Variants in CD40 observed in about 807,000 individuals in gnomAD.
CD40 encodes CD40 molecule, also known as tumor necrosis factor receptor superfamily member 5.
In CD40, 19 loss-of-function variants were observed where a neutral mutation model predicts 38.5. The ratio of observed to expected loss-of-function variants is 0.49; its 90% confidence interval spans 0.34 to 0.72. The LOEUF is 0.72. CD40 is among the 30% of genes least tolerant of loss of function. The pLI is 0.01. For missense variants in CD40, 256 were observed against 344.1 expected, an observed-to-expected ratio of 0.74 and a Z score of 2.03; for synonymous variants, 130 against 128.7, an observed-to-expected ratio of 1.01 and a Z score of -0.07.
At position 46,122,216 on chromosome 20, in the gene CD40, T is replaced by C; in HGVS notation, c.131-17T>C. Reference sequence around the variant, plus strand: ...GGAGTTGGCCAGAGCCCTCCCTCATTTCCTGATGTTTTCCAGGACAGAAAC... The same window carrying C: ...GGAGTTGGCCAGAGCCCTCCCTCATCTCCTGATGTTTTCCAGGACAGAAAC... On this transcript the variant is annotated splice_polypyrimidine_tract_variant and intron_variant, in intron 2 of 8. Transcript: ENST00000372285. This position sits in a 1 kb window ranked among gnomAD's most constrained non-coding sequence, Gnocchi z 5.0. 1 of 1,614,138 alleles carries C rather than the reference T, an allele frequency of 6.2e-7. No homozygotes were observed. The highest frequency in any genetic ancestry group is 8.5e-7 in the Non-Finnish European group (1 of 1,180,002).
rs115321401 is a variant in CD40 at position 46,127,883 on chromosome 20, G to T, written c.560-255G>T. Reference sequence around the variant, plus strand: ...AACCCAGTCTTCCCAGTTTGTAAGAGAAATCAGATGTCTAGGTTTGAATAT... The same window carrying T: ...AACCCAGTCTTCCCAGTTTGTAAGATAAATCAGATGTCTAGGTTTGAATAT... On this transcript the variant is annotated intron_variant, in intron 6 of 8. Coordinates refer to ENST00000372285, the MANE Select transcript of CD40 (RefSeq NM_001250.6). 63 of 615,556 alleles carry T rather than the reference G, an allele frequency of 1.0e-4. No homozygotes were observed. In the African/African-American group the frequency reaches 1.1e-3, roughly 11 times the overall value. 38.1% of individuals were successfully genotyped at this position (615,556 alleles called of 1,614,324 possible). A position where few individuals can be genotyped will look rare whatever the true frequency, so the allele number is the denominator to read the frequency against.
intron 5 of CD40, 29 bp from the exon 6 acceptor site, chr20:46,126,611 T>C (rs766629057): frequency 6.2e-7 from 1 of 1,613,912 alleles, no homozygotes; most frequent in Non-Finnish European, 8.5e-7. Context: ...TCTCTGTGTG[T>C]GTGCATTTGT....
chr20:46,123,916 C>T (rs1020880982), intron 5 of CD40, among the ~76,000 whole-genome samples: 5 of 152,240 alleles, frequency 3.3e-5, no homozygotes, highest in Admixed American at 1.3e-4. Context: ...TGCTCTCTTT[C>T]CTGCATCGCA....
chr20:46,126,793 G>A, intron 6 of CD40, 92 bp downstream of exon 6: 1 of 1,604,594 alleles, frequency 6.2e-7, no homozygotes, highest in South Asian at 1.1e-5. Flanking sequence ...ATGGGAAAAA[G>A]GGGAGGGGAG....
At chr20:46,120,382 A>G (rs1428592618) in intron 1 of CD40, among the ~76,000 whole-genome samples, 2 of 152,240 alleles carry the variant, frequency 1.3e-5, no homozygotes, top group Non-Finnish European at 2.9e-5. Context: ...AAGTGTTACA[A>G]AGTCAGGACT....
chr20:46,119,967 G>A (rs2085285987), intron 1 of CD40, among the ~76,000 whole-genome samples: 1 of 152,298 alleles, frequency 6.6e-6, no homozygotes, highest in East Asian at 1.9e-4. Flanking sequence ...TGGTATCAAG[G>A]ACTTTCCTAT....
intron 5 of CD40, among the ~76,000 whole-genome samples, chr20:46,124,762 T>TG (rs2085393440): frequency 1.6e-5 from 1 of 62,178 alleles, no homozygotes; most frequent in Non-Finnish European, 3.6e-5. Context: ...TTTTTTTTTT[T>TG]TTTTTTTTTT....
intron 1 of CD40, among the ~76,000 whole-genome samples, chr20:46,120,145 G>A (rs1163435415): frequency 6.6e-6 from 1 of 152,122 alleles, no homozygotes; most frequent in Admixed American, 6.5e-5. Context: ...GTAGGATTCT[G>A]GACAGCCAGC....
intron 5 of CD40, among the ~76,000 whole-genome samples, chr20:46,125,945 C>T (rs554811179): frequency 1.1e-4 from 17 of 152,312 alleles, no homozygotes; most frequent in South Asian, 1.0e-3. Flanking sequence ...CACATCACAT[C>T]GTCCCACTTA....
chr20:46,118,575 CG>C (rs2085257459), intron 1 of CD40, among the ~76,000 whole-genome samples, 181 bp downstream of exon 1: 1 of 152,132 alleles, frequency 6.6e-6, no homozygotes, highest in Admixed American at 6.5e-5. Flanking sequence ...TCTCTTCTCC[CG>C]GGCTGGGGTC....
intron 5 of CD40, among the ~76,000 whole-genome samples, chr20:46,125,484 C>T (rs1444674078): frequency 7.4e-6 from 1 of 135,492 alleles, no homozygotes; most frequent in Non-Finnish European, 1.5e-5. Flanking sequence ...GTGGAGGTTG[C>T]AGTGAGCTGA....
At chr20:46,119,557 A>G (rs1389862477) in intron 1 of CD40, among the ~76,000 whole-genome samples, 1 of 152,198 alleles carries the variant, frequency 6.6e-6, no homozygotes, top group Non-Finnish European at 1.5e-5. Flanking sequence ...TCTCAAGAGC[A>G]GAGTTTGCCC....
rs923841997 is a variant in CD40, at chr20:46,121,994, C to T, written c.130+96C>T. On this transcript the variant is annotated intron_variant, in intron 2 of 8. Coordinates refer to ENST00000372285, the MANE Select transcript of CD40 (RefSeq NM_001250.6). ...GTTAACTGTAAACTCAAATCTGAAA[C>T]GACCCATTTCCCAGCCCTGCTTCAC... 74 of 1,149,958 alleles carry T rather than the reference C, an allele frequency of 6.4e-5. 1 individual carries two copies. Among genetic ancestry groups the T allele is most frequent in the South Asian group, 4.1e-4 (33 of 80,866 alleles). The allele number at this position is 1,149,958 out of a possible 1,614,324, so 71.2% of individuals were successfully genotyped here. A position where few individuals can be genotyped will look rare whatever the true frequency, so the allele number is the denominator to read the frequency against.
rs2085348926 is a variant in CD40 at position 46,122,947 on chromosome 20, C to G, written c.404-179C>G. The G allele has an allele frequency of 2.2e-6, 2 of 907,510 alleles. No individual in the cohort carries two copies. Among genetic ancestry groups the G allele is most frequent in the East Asian group, 5.2e-5 (2 of 38,234 alleles). 56.2% of individuals were successfully genotyped at this position (907,510 alleles called of 1,614,324 possible). A position where few individuals can be genotyped will look rare whatever the true frequency, so the allele number is the denominator to read the frequency against. ...TCTGCCTTCTGCCATGGGGATCTGCCTTTGAAGGGCAATGGGAGAAGTCCT... is the reference window on the plus strand; with the variant it reads ...TCTGCCTTCTGCCATGGGGATCTGCGTTTGAAGGGCAATGGGAGAAGTCCT... On this transcript the variant is annotated intron_variant, in intron 4 of 8. Coordinates refer to ENST00000372285, the MANE Select transcript of CD40 (RefSeq NM_001250.6). The surrounding 1 kb of genome is among the most constrained non-coding windows in gnomAD (Gnocchi z 5.0).
At chr20:46,128,494 C>A in intron 8 of CD40, 136 bp downstream of exon 8, 4 of 920,786 alleles carry the variant, frequency 4.3e-6, no homozygotes, top group South Asian at 1.4e-5. Flanking sequence ...TGGGGACTGT[C>A]ATCCCCACCC....
chr20:46,128,440 T>A, intron 8 of CD40, 82 bp downstream of exon 8: 1 of 1,445,980 alleles, frequency 6.9e-7, no homozygotes, highest in Non-Finnish European at 9.7e-7. Context: ...GCAGTAAAAC[T>A]GATTCAGAGT....
rs1458311739 is a variant in CD40 at position 46,122,220 on chromosome 20, T to G, written c.131-13T>G. The G allele has an allele frequency of 2.5e-6, 4 of 1,614,072 alleles. No homozygotes were observed. The highest frequency in any genetic ancestry group is 1.3e-5 in the African/African-American group (1 of 74,920). ...TTGGCCAGAGCCCTCCCTCATTTCC[T>G]GATGTTTTCCAGGACAGAAACTGGT... On this transcript the variant is annotated splice_polypyrimidine_tract_variant and intron_variant, in intron 2 of 8. Transcript: ENST00000372285. This position sits in a 1 kb window ranked among gnomAD's most constrained non-coding sequence, Gnocchi z 5.0.
Position 46,122,765 on chromosome 20 carries a change from C to T in CD40, c.403+9C>T. The T allele has an allele frequency of 6.2e-7, 1 of 1,614,090 alleles. No homozygotes were observed. The highest frequency in any genetic ancestry group is 2.2e-5 in the East Asian group (1 of 44,870). ...TGGGGTCAAGCAGATTGGTAAGTGG[C>T]TCATCTGGGAATCAGTTTTGGAGGG... On this transcript the variant is annotated intron_variant, in intron 4 of 8. Transcript: ENST00000372285. The surrounding 1 kb of genome is among the most constrained non-coding windows in gnomAD (Gnocchi z 5.0).
chr20:46,122,592 C>G lies in CD40; in HGVS notation c.257-18C>G. ...GCCCAGCAGGGGGTTCCCATCCTTC[C>G]TGCCCTTCTCTTCTCAGACCTAGGG... On this transcript the variant is annotated intron_variant, in intron 3 of 8. Transcript: ENST00000372285. The surrounding 1 kb of genome is among the most constrained non-coding windows in gnomAD (Gnocchi z 5.0). 6.2e-7 allele frequency: 1 copy of G among 1,614,108 alleles called. No individual in the cohort carries two copies.
Sources: allele counts gnomAD v4.1 joint callset (sites outside exome capture counted in the v4.1 genomes callset), GRCh38; gene constraint gnomAD v4.1.1; non-coding constraint Gnocchi (gnomAD v3.1); transcripts MANE v1.5; gene names NCBI Gene and HGNC (gene_info 2026-07-23, HGNC 2026-07-21).